Variants in ROR2 observed in about 807,000 individuals in gnomAD.
The protein encoded by ROR2 is ROR family WNT receptor 2, also known as tyrosine-protein kinase transmembrane receptor ROR2.
A neutral mutation model predicts 74.9 loss-of-function variants in ROR2; 33 were observed. That is an observed-to-expected ratio of 0.44 (90% CI 0.33 to 0.59). The LOEUF is 0.59. Among genes scored for constraint, ROR2 ranks in the 20% least tolerant of loss-of-function variants. ROR2 has a pLI of 0.02. For synonymous variants in ROR2, 586 were observed against 558.7 expected, an observed-to-expected ratio of 1.05 and a Z score of -0.69; for missense variants, 1,216 against 1,313.8, an observed-to-expected ratio of 0.93 and a Z score of 1.15.
chr9:91,858,888 T>C (rs1387168499), intron 1 of ROR2, among the ~76,000 whole-genome samples: 1 of 152,064 alleles, frequency 6.6e-6, no homozygotes, highest in East Asian at 1.9e-4. Flanking sequence ...ATCATGCAGC[T>C]ATGGGGGACA....
At chr9:91,818,402 C>CA (rs1828014933) in intron 1 of ROR2, among the ~76,000 whole-genome samples, 1 of 152,046 alleles carries the variant, frequency 6.6e-6, no homozygotes, top group Admixed American at 6.5e-5. Flanking sequence ...CACACCCCCC[C>CA]ACAGGCTATC....
chr9:91,885,494 G>A (rs868373899), intron 1 of ROR2, among the ~76,000 whole-genome samples: 1 of 152,188 alleles, frequency 6.6e-6, no homozygotes, highest in Non-Finnish European at 1.5e-5. Context: ...CCCCAGGACT[G>A]AGCAGCGTGT....
In ROR2 at chr9:91,877,201, G is replaced by A. The variant is rs1439126419; in HGVS notation, c.97+72666C>T. On this transcript the variant is annotated intron_variant, in intron 1 of 8. Transcript: ENST00000375708. ...TGCAGGTGGAAATTACAAGGACTCA[G>A]AAAACTTACCCTTTAAATGCAGCTT... 2.0e-5 allele frequency among the ~76,000 whole-genome samples: 3 copies of A among 152,194 alleles called. No individual in the cohort carries two copies. In the East Asian group the frequency reaches 5.8e-4, roughly 29 times the overall value.
At chr9:91,807,695 T>C (rs1827612431) in intron 1 of ROR2, among the ~76,000 whole-genome samples, 2 of 152,106 alleles carry the variant, frequency 1.3e-5, no homozygotes, top group Admixed American at 6.5e-5. Flanking sequence ...CCAGCTGGCG[T>C]CCACTGCTTG....
In ROR2 at chr9:91,876,170, C is replaced by A. The variant is rs140313564; in HGVS notation, c.97+73697G>T. 2.6e-4 allele frequency among the ~76,000 whole-genome samples: 40 copies of A among 152,190 alleles called. No homozygotes were observed. The East Asian group carries it at 6.6e-3, about 25-fold the overall frequency. On this transcript the variant is annotated intron_variant, in intron 1 of 8. Coordinates refer to ENST00000375708, the MANE Select transcript of ROR2 (RefSeq NM_004560.4). ...GGTAGATCACTTGAGGTCAGGAATT[C>A]AAGGCCAGCTTGGCCAACATGGTAA...
At chr9:91,834,022 C>A (rs555230312) in intron 1 of ROR2, among the ~76,000 whole-genome samples, 5 of 152,272 alleles carry the variant, frequency 3.3e-5, no homozygotes, top group African/African-American at 1.2e-4. Flanking sequence ...GTAGGCCGTC[C>A]CCCTGGGCCT....
intron 8 of ROR2, among the ~76,000 whole-genome samples, chr9:91,725,474 G>C (rs562507749): frequency 6.6e-6 from 1 of 152,204 alleles, no homozygotes; most frequent in Admixed American, 6.5e-5. Context: ...GGCTGCCCCG[G>C]ACATACCCTG....
chr9:91,777,832 A>G (rs749848579), intron 1 of ROR2, among the ~76,000 whole-genome samples: 13 of 152,228 alleles, frequency 8.5e-5, no homozygotes, highest in Non-Finnish European at 1.8e-4. Flanking sequence ...TTTTATAATT[A>G]TACTTTTCAA....
At chr9:91,822,492 C>T (rs150248812) in intron 1 of ROR2, among the ~76,000 whole-genome samples, 98 of 152,296 alleles carry the variant, frequency 6.4e-4, no homozygotes, top group Non-Finnish European at 1.3e-3. Context: ...CTGTAATACA[C>T]TGAGTTTTTA....
intron 1 of ROR2, among the ~76,000 whole-genome samples, chr9:91,895,693 T>A (rs1394353911): frequency 6.6e-6 from 1 of 151,908 alleles, no homozygotes; most frequent in Non-Finnish European, 1.5e-5. Flanking sequence ...AAATACAAAA[T>A]TTAGGCGGGC....
intron 2 of ROR2, among the ~76,000 whole-genome samples, chr9:91,757,810 C>T (rs1825809301): frequency 6.6e-6 from 1 of 152,134 alleles, no homozygotes; most frequent in Non-Finnish European, 1.5e-5. Context: ...ATACTTTCAC[C>T]AACCAACCAA....
intron 1 of ROR2, among the ~76,000 whole-genome samples, chr9:91,890,050 G>T (rs1432597887): frequency 2.0e-5 from 3 of 152,206 alleles, no homozygotes; most frequent in African/African-American, 7.2e-5. Flanking sequence ...GGGAGTTAGT[G>T]GCTTCAGCCA....
chr9:91,729,252 A>G (rs1837153258), intron 7 of ROR2, among the ~76,000 whole-genome samples: 1 of 152,234 alleles, frequency 6.6e-6, no homozygotes, highest in Admixed American at 6.5e-5. Context: ...AAACAAAACA[A>G]TAAGCAAAAA....
chr9:91,841,572 A>C (rs752210527), intron 1 of ROR2, among the ~76,000 whole-genome samples: 8 of 152,246 alleles, frequency 5.3e-5, no homozygotes, highest in African/African-American at 1.9e-4. Context: ...GTGGTTTGCA[A>C]ATGGGTGAGG....
rs148170401 is a variant in ROR2 at position 91,844,277 on chromosome 9, G to A, written c.98-68459C>T. On this transcript the variant is annotated intron_variant, in intron 1 of 8. Transcript: ENST00000375708. Reference sequence around the variant, plus strand: ...TTTCAGGTCGTCTGTCCTGGGATCCGAGAGCACAAAGAAACACTGTTTGCA... The same window carrying A: ...TTTCAGGTCGTCTGTCCTGGGATCCAAGAGCACAAAGAAACACTGTTTGCA... Among the ~76,000 whole-genome samples, 216 of 152,266 alleles carry A rather than the reference G, an allele frequency of 1.4e-3. 2 individuals carry two copies. The East Asian group carries it at 0.02, about 14-fold the overall frequency.
At chr9:91,735,905 C>T (rs944440001) in intron 5 of ROR2, among the ~76,000 whole-genome samples, 4 of 151,972 alleles carry the variant, frequency 2.6e-5, no homozygotes, top group South Asian at 2.1e-4. Flanking sequence ...CGTGAGCCAC[C>T]GTGCCCGGCC....
At chr9:91,893,370 G>A (rs1227752018) in intron 1 of ROR2, among the ~76,000 whole-genome samples, 1 of 152,104 alleles carries the variant, frequency 6.6e-6, no homozygotes, top group Non-Finnish European at 1.5e-5. Flanking sequence ...AACCAGGAAG[G>A]CGGCGGTTGC....
intron 1 of ROR2, among the ~76,000 whole-genome samples, chr9:91,846,698 C>T (rs1828945481): frequency 6.6e-6 from 1 of 152,140 alleles, no homozygotes; most frequent in South Asian, 2.1e-4. Flanking sequence ...TGCCTGTACC[C>T]TCAGCCCCCT....
At position 91,730,988 on chromosome 9, in the gene ROR2, C is replaced by T. The variant is rs151187583; in HGVS notation, c.1105G>A (p.Gly369Arg). 5.9e-5 allele frequency: 96 copies of T among 1,614,168 alleles called. No individual in the cohort carries two copies. Among genetic ancestry groups the T allele is most frequent in the South Asian group, 2.6e-4 (24 of 91,078 alleles). The change falls in exon 7 of 9, where the codon GGA becomes AGA. Residue 369 changes from glycine (G) to arginine (R), a missense_variant. Transcript: ENST00000375708. ...CACCAGGGGCCCTCCATCTGGCCTC[C>T]GGGGTTCCGGCAGTAGGCGTGCCCC... ...GGGHAYCRNP[G>R]GQMEGPWCFT...
Sources: allele counts gnomAD v4.1 joint callset (sites outside exome capture counted in the v4.1 genomes callset), GRCh38; gene constraint gnomAD v4.1.1; transcripts MANE v1.5; gene names NCBI Gene and HGNC (gene_info 2026-07-23, HGNC 2026-07-21).